The following ATP6V1B1 variants were observed in gnomAD, a reference collection of about 807,000 sequenced individuals.
ATP6V1B1 encodes the protein V-type proton ATPase subunit B, kidney isoform.
A neutral mutation model predicts 62.1 loss-of-function variants in ATP6V1B1; 41 were observed. The ratio of observed to expected loss-of-function variants is 0.66; its 90% CI spans 0.51 to 0.86. The LOEUF is 0.86. Ranked by LOEUF, ATP6V1B1 falls within the 40% of genes least tolerant of loss-of-function variation. ATP6V1B1 has a pLI of 0.00. For missense variants in ATP6V1B1, 651 were observed against 697.5 expected, an observed-to-expected ratio of 0.93 and a Z score of 0.75; for synonymous variants, 253 against 273.4, an observed-to-expected ratio of 0.93 and a Z score of 0.74.
At chr2:70,956,130 C>A (rs1013612016) in intron 2 of ATP6V1B1, 1 of 217,692 alleles carries the variant, frequency 4.6e-6, no homozygotes, top group South Asian at 9.2e-5. Flanking sequence ...GTGTTGATGC[C>A]TGTTCTCTTT....
At position 70,959,106 on chromosome 2, in the gene ATP6V1B1, G is replaced by A; in HGVS notation, c.445+11G>A. On this transcript the variant is annotated intron_variant, in intron 5 of 13. Transcript: ENST00000234396. This position sits in a 1 kb window ranked among gnomAD's most constrained non-coding sequence, Gnocchi z 4.2. ...TTCTGGATATCAATGGTGAGTGACT[G>A]GAGGTTCTGGATGGCTTCGGGACCC... 6.2e-7 allele frequency: 1 copy of A among 1,614,058 alleles called. No individual in the cohort carries two copies. The highest frequency in any genetic ancestry group is 2.2e-5 in the East Asian group (1 of 44,864).
rs782585088 is a variant in ATP6V1B1, at chr2:70,936,081, C to T, written c.118+9C>T. The T allele has an allele frequency of 2.5e-6, 4 of 1,613,242 alleles. No homozygotes were observed. In the African/African-American group the frequency reaches 4.0e-5, roughly 16 times the overall value. On this transcript the variant is annotated intron_variant, in intron 1 of 13. Transcript: ENST00000234396. ...CACCCACCCCCGTGTCAGTGAGTAG[C>T]CCCTCCACCGTGACGGGTGAGGTCA...
At chr2:70,952,106 G>C (rs192410472) in intron 2 of ATP6V1B1, among the ~76,000 whole-genome samples, 2 of 152,194 alleles carry the variant, frequency 1.3e-5, no homozygotes, top group Admixed American at 6.5e-5. Flanking sequence ...TGTTGGTTTT[G>C]GTTAATAGTT....
At chr2:70,941,306 C>T (rs1679999984) in intron 1 of ATP6V1B1, 17 of 985,476 alleles carry the variant, frequency 1.7e-5, no homozygotes, top group Non-Finnish European at 2.0e-5. Flanking sequence ...TCTTGCCCTC[C>T]TGGAGGTGAC....
chr2:70,944,020 A>G (rs1167590164), intron 2 of ATP6V1B1: 1 of 985,280 alleles, frequency 1.0e-6, no homozygotes, highest in African/African-American at 1.7e-5. Context: ...AGTGGCATGG[A>G]CGTACCTAAC....
chr2:70,941,999 A>C, intron 1 of ATP6V1B1: 1 of 1,041,496 alleles, frequency 9.6e-7, no homozygotes, highest in Non-Finnish European at 1.2e-6. Context: ...TGAGGGGAGG[A>C]ACTGGAGAAG....
chr2:70,938,306 A>C (rs1253864071), intron 1 of ATP6V1B1, among the ~76,000 whole-genome samples: 1 of 151,940 alleles, frequency 6.6e-6, no homozygotes, highest in Non-Finnish European at 1.5e-5. Context: ...CAGGGCTGGC[A>C]AGGGTTTGGA....
At chr2:70,960,275 T>G (rs1370142787) in intron 6 of ATP6V1B1, among the ~76,000 whole-genome samples, 197 bp downstream of exon 6, 1 of 152,154 alleles carries the variant, frequency 6.6e-6, no homozygotes, top group Admixed American at 6.5e-5. Flanking sequence ...GGTCCAATCT[T>G]CAGGCTGCCC....
rs570549292 is a variant in ATP6V1B1 at position 70,936,019 on chromosome 2, C to T, written c.65C>T (p.Ala22Val). The change falls in exon 1 of 14, where the codon GCC becomes GTC. Residue 22 changes from alanine (A) to valine (V), a missense_variant. Physicochemically the swap from Ala to Val is moderately conservative, Grantham distance 64. Transcript: ENST00000234396. ...LPGSSCNLGAAREHMQAVTRN... is the reference protein window; with the variant it reads ...LPGSSCNLGAVREHMQAVTRN... ...GGCAGTAGCTGCAACCTAGGTGCAG[C>T]CCGAGAACACATGCAGGCGGTCACC... 6.2e-7 allele frequency: 1 copy of T among 1,614,084 alleles called. No homozygotes were observed. Among genetic ancestry groups the T allele is most frequent in the African/African-American group, 1.3e-5 (1 of 75,056 alleles).
chr2:70,958,552 C>A, intron 4 of ATP6V1B1, 126 bp downstream of exon 4: 2 of 901,284 alleles, frequency 2.2e-6, no homozygotes, highest in Non-Finnish European at 3.5e-6. Flanking sequence ...CTCTGGTGGG[C>A]TCTTTGAGGT....
In ATP6V1B1 at chr2:70,963,345, C is replaced by T. The variant is rs782030299; in HGVS notation, c.1060+33C>T. ...CCTCACAGCCCACTACCCTCCAGAG[C>T]TCCCCTGTCCTCCCTTTTCCAACCA... On this transcript the variant is annotated intron_variant, in intron 10 of 13. Transcript: ENST00000234396. This position sits in a 1 kb window ranked among gnomAD's most constrained non-coding sequence, Gnocchi z 4.3. The T allele has an allele frequency of 6.2e-7, 1 of 1,612,050 alleles. No individual in the cohort carries two copies. Among genetic ancestry groups the T allele is most frequent in the African/African-American group, 1.3e-5 (1 of 74,916 alleles).
chr2:70,945,616 G>A (rs1680139688), intron 2 of ATP6V1B1, among the ~76,000 whole-genome samples: 1 of 149,632 alleles, frequency 6.7e-6, no homozygotes, highest in South Asian at 2.1e-4. Flanking sequence ...TAGTGATCAG[G>A]TCAGGGCAAT....
At chr2:70,941,841 T>C (rs1680010881) in intron 1 of ATP6V1B1, 2 of 985,804 alleles carry the variant, frequency 2.0e-6, no homozygotes, top group African/African-American at 3.5e-5. Flanking sequence ...CAGAGGAGGC[T>C]GACAGGCGGC....
At chr2:70,939,236 C>G (rs1388779491) in intron 1 of ATP6V1B1, 2 of 152,328 alleles carry the variant, frequency 1.3e-5, no homozygotes, top group African/African-American at 4.8e-5. Flanking sequence ...GGCAGGGAGG[C>G]GCTCCACCAG....
At position 70,935,964 on chromosome 2, in the gene ATP6V1B1, G is replaced by A; in HGVS notation, c.10G>A (p.Glu4Lys). ...AGCTGGGGACTGCTCCATGGCCATG[G>A]AGATAGACAGCAGGCCTGGGGGGCT... MAM[E>K]IDSRPGGLPG... The change falls in exon 1 of 14, where the codon GAG becomes AAG. Residue 4 changes from glutamate (E) to lysine (K), a missense_variant. Physicochemically the swap from Glu to Lys is moderately conservative, Grantham distance 56. Transcript: ENST00000234396. 6.2e-7 allele frequency: 1 copy of A among 1,613,724 alleles called. No individual in the cohort carries two copies. Among genetic ancestry groups the A allele is most frequent in the Non-Finnish European group, 8.5e-7 (1 of 1,179,790 alleles).
intron 1 of ATP6V1B1, 88 bp downstream of exon 1, chr2:70,936,160 G>A (rs887281294): frequency 8.6e-6 from 12 of 1,395,448 alleles, no homozygotes; most frequent in African/African-American, 4.3e-5. Context: ...TCTTGCCTCA[G>A]AAAAGGAGGA....
At chr2:70,958,557 T>TGAGGTCTGGGGTA in intron 4 of ATP6V1B1, 131 bp downstream of exon 4, 1 of 878,336 alleles carries the variant, frequency 1.1e-6, no homozygotes, top group Non-Finnish European at 1.8e-6. Flanking sequence ...GTGGGCTCTT[T>TGAGGTCTGGGGTA]GAGGTCTGGG....
chr2:70,955,952 T>C (rs930289127), intron 2 of ATP6V1B1: 3 of 163,714 alleles, frequency 1.8e-5, no homozygotes, highest in African/African-American at 4.8e-5. Flanking sequence ...TCGGGTGCTA[T>C]TGGGAATTCG....
intron 1 of ATP6V1B1, among the ~76,000 whole-genome samples, chr2:70,936,454 G>C (rs1679855165): frequency 6.6e-6 from 1 of 152,128 alleles, no homozygotes; most frequent in Admixed American, 6.5e-5. Flanking sequence ...CTCAGAGTCA[G>C]GCGGGGTGTG....
Sources: gnomAD v4.1 joint callset for allele counts (sites outside exome capture counted in the v4.1 genomes callset) on GRCh38, gnomAD v4.1.1 for gene constraint, Gnocchi (gnomAD v3.1) non-coding constraint, MANE v1.5 for transcripts, NCBI Gene and HGNC (gene_info 2026-07-23, HGNC 2026-07-21) for gene names.